Variants in CEP120 observed in about 807,000 individuals in gnomAD.
CEP120 encodes the protein centrosomal protein 120, also known as centrosomal protein of 120 kDa.
A neutral mutation model predicts 126.5 loss-of-function variants in CEP120; 113 were observed. That is an observed-to-expected ratio of 0.89 (90% CI 0.77 to 1.04). The LOEUF (loss-of-function observed/expected upper bound fraction) is 1.04, where lower values mean the gene tolerates loss of function less well. CEP120 is among the 50% of genes least tolerant of loss of function. The pLI, the probability that CEP120 is intolerant of heterozygous loss-of-function variation, is 0.00. For missense variants in CEP120, 1,230 were observed against 1,155.7 expected (o/e 1.06, Z -0.93); for synonymous variants, 400 against 394.3 (o/e 1.01, Z -0.17).
rs754836358 is a variant in CEP120 at position 123,382,713 on chromosome 5, T to G, written c.2013+24A>C. 3.1e-6 allele frequency: 5 copies of G among 1,598,096 alleles called. No homozygotes were observed. In the South Asian group the frequency reaches 4.5e-5, roughly 14 times the overall value. On this transcript the variant is annotated intron_variant, in intron 13 of 19. Transcript: ENST00000306467. Reference sequence around the variant, plus strand: ...ATACAGAGCAGACAAAGCAGATTTTTTAAAGTAACATTTAAAAAGTAACCT... The same window carrying G: ...ATACAGAGCAGACAAAGCAGATTTTGTAAAGTAACATTTAAAAAGTAACCT...
At position 123,418,374 on chromosome 5, in the gene CEP120, G is replaced by A. The variant is rs771158452; in HGVS notation, c.191C>T (p.Ala64Val). ...TGATAATCACCTGTGCTGATGAAGC[G>A]CTTTCCTGTCAATTTCCCAAGCTAA... The part of the protein sequence containing the change: ...TELAWEIDRK[A>V]LHQHRLQRTP... Residue 64 changes from alanine (A) to valine (V), a missense_variant, in exon 2 of 20, where the codon GCG (alanine) becomes GTG (valine). Ala to Val is a moderately conservative substitution (Grantham distance 64). Coordinates refer to ENST00000306467, the MANE Select transcript of CEP120 (RefSeq NM_001375405.1). 15 of 1,602,272 alleles carry A rather than the reference G, an allele frequency of 9.4e-6. No homozygotes were observed. Among genetic ancestry groups the A allele is most frequent in the African/African-American group, 8.0e-5 (6 of 74,620 alleles).
chr5:123,406,355 A>T (rs1773661095), intron 4 of CEP120, among the ~76,000 whole-genome samples: 1 of 149,876 alleles, frequency 6.7e-6, no homozygotes, highest in African/African-American at 2.5e-5. Flanking sequence ...CAAACCACAG[A>T]TTCAGGAAGC....
chr5:123,398,005 C>T (rs1379729147), intron 5 of CEP120, among the ~76,000 whole-genome samples: 1 of 152,096 alleles, frequency 6.6e-6, no homozygotes, highest in Non-Finnish European at 1.5e-5. Context: ...GATCAACTGA[C>T]TCTTGGAGCT....
intron 4 of CEP120, among the ~76,000 whole-genome samples, chr5:123,410,082 G>A (rs551568056): frequency 8.3e-4 from 125 of 149,918 alleles, no homozygotes; most frequent in Non-Finnish European, 1.6e-3. Flanking sequence ...TTATATGCCA[G>A]CAACGAACAA....
chr5:123,412,330 C>T, intron 4 of CEP120, 69 bp downstream of exon 4: 1 of 1,491,140 alleles, frequency 6.7e-7, no homozygotes, highest in South Asian at 1.4e-5. Context: ...CTATAACACT[C>T]CCGCTTCCTA....
At chr5:123,354,134 G>C (rs1243434412) in intron 18 of CEP120, among the ~76,000 whole-genome samples, 4 of 152,026 alleles carry the variant, frequency 2.6e-5, no homozygotes, top group African/African-American at 9.7e-5. Flanking sequence ...TCAGTTCAAA[G>C]TATTTTCTAA....
intron 4 of CEP120, among the ~76,000 whole-genome samples, chr5:123,405,717 T>C (rs11241694): frequency 0.44 from 66,809 of 151,884 alleles, 14,639 homozygotes; most frequent in East Asian, 0.47. Context: ...TTCCCCTTCC[T>C]GACTCCTGAC....
At chr5:123,420,668 G>T (rs563081770) in intron 1 of CEP120, among the ~76,000 whole-genome samples, 1 of 152,314 alleles carries the variant, frequency 6.6e-6, no homozygotes, top group East Asian at 1.9e-4. Flanking sequence ...TCCCCAGGGA[G>T]TAAAGGAGGA....
chr5:123,417,712 A>G (rs954992370), intron 2 of CEP120, among the ~76,000 whole-genome samples: 20 of 151,714 alleles, frequency 1.3e-4, no homozygotes, highest in African/African-American at 4.8e-4. Flanking sequence ...CTCACACATT[A>G]GGAAAAAAAA....
At chr5:123,398,439 G>A (rs1010699356) in intron 5 of CEP120, among the ~76,000 whole-genome samples, 1 of 152,154 alleles carries the variant, frequency 6.6e-6, no homozygotes, top group Admixed American at 6.5e-5. Context: ...GAGAGATAAG[G>A]TAATGTGTCT....
At chr5:123,387,165 C>A (rs1384767480) in intron 9 of CEP120, among the ~76,000 whole-genome samples, 1 of 152,086 alleles carries the variant, frequency 6.6e-6, no homozygotes, top group Non-Finnish European at 1.5e-5. Context: ...CTGACTACTG[C>A]TGAACTTAAT....
chr5:123,411,106 T>C (rs933035552), intron 4 of CEP120, among the ~76,000 whole-genome samples: 2 of 152,156 alleles, frequency 1.3e-5, no homozygotes, highest in Non-Finnish European at 2.9e-5. Flanking sequence ...CATTGAGGAA[T>C]TGCAAATTAA....
intron 8 of CEP120, among the ~76,000 whole-genome samples, chr5:123,389,284 C>G (rs977115161): frequency 2.6e-5 from 4 of 152,036 alleles, no homozygotes; most frequent in African/African-American, 9.7e-5. Context: ...CTATAAGAGG[C>G]AGTTAACAAC....
chr5:123,370,119 A>G (rs1770745913), intron 17 of CEP120, among the ~76,000 whole-genome samples: 1 of 152,094 alleles, frequency 6.6e-6, no homozygotes, highest in African/African-American at 2.4e-5. Flanking sequence ...CTGTCTTAAG[A>G]ATAGGTAATA....
intron 17 of CEP120, among the ~76,000 whole-genome samples, chr5:123,367,430 A>G (rs1770544427): frequency 6.6e-6 from 1 of 151,634 alleles, no homozygotes; most frequent in Non-Finnish European, 1.5e-5. Context: ...ATGTATGTAT[A>G]TATATCCCTA....
Position 123,388,538 on chromosome 5 carries a change from C to G in CEP120, c.1324G>C (p.Gly442Arg), listed in dbSNP as rs765259508. The change falls in exon 9 of 20, where the codon GGA becomes CGA. Residue 442 changes from glycine (G) to arginine (R), a missense_variant. By Grantham distance (125) the Gly-to-Arg change is moderately radical. Transcript: ENST00000306467. ...TTSNASEVAS[G>R]QKIAVPATSH... ...GTTGCTGGTACAGCAATCTTCTGTC[C>G]TGAAGCTACTTCTGAAGCATTGGAT... is the stretch of plus-strand genomic sequence containing the variant. The G allele has an allele frequency of 6.2e-7, 1 of 1,611,348 alleles. No individual in the cohort carries two copies. The highest frequency in any genetic ancestry group is 8.5e-7 in the Non-Finnish European group (1 of 1,179,088).
chr5:123,399,042 G>C, intron 5 of CEP120, 94 bp downstream of exon 5: 1 of 828,226 alleles, frequency 1.2e-6, no homozygotes, highest in South Asian at 4.2e-5. Context: ...AAAAAAAAAA[G>C]TCTACTTGCA....
chr5:123,379,050 G>C (rs547428089), intron 14 of CEP120, among the ~76,000 whole-genome samples: 2 of 152,092 alleles, frequency 1.3e-5, no homozygotes, highest in South Asian at 4.1e-4. Flanking sequence ...AAAAAATATA[G>C]TCAAAGAAGC....
At chr5:123,405,497 T>C (rs1773583519) in intron 4 of CEP120, among the ~76,000 whole-genome samples, 1 of 152,194 alleles carries the variant, frequency 6.6e-6, no homozygotes, top group Admixed American at 6.5e-5. Flanking sequence ...TGAGGTTCTA[T>C]CAGAGCCTAA....
Sources: allele counts gnomAD v4.1 joint callset (sites outside exome capture counted in the v4.1 genomes callset), GRCh38; gene constraint gnomAD v4.1.1; transcripts MANE v1.5; gene names NCBI Gene and HGNC (gene_info 2026-07-23, HGNC 2026-07-21).